MRPL1: variants seen among roughly 807,000 people sequenced by gnomAD.
MRPL1 encodes the protein large ribosomal subunit protein uL1m.
In MRPL1, 28 loss-of-function variants were observed where a neutral mutation model predicts 38.0. That is an observed-to-expected ratio of 0.74 (90% CI 0.55 to 1.01). MRPL1 has a LOEUF of 1.01. MRPL1 is among the 50% of genes least tolerant of loss of function. The probability of loss-of-function intolerance (pLI) is 0.00; values close to 1 mark genes in which losing one functional copy is unlikely to be tolerated. For missense variants in MRPL1, 358 were observed against 389.8 expected, an observed-to-expected ratio of 0.92 and a Z score of 0.69; for synonymous variants, 123 against 126.7, an observed-to-expected ratio of 0.97 and a Z score of 0.20.
chr4:77,913,549 T>C (rs1035419902), intron 7 of MRPL1, among the ~76,000 whole-genome samples: 3 of 152,212 alleles, frequency 2.0e-5, no homozygotes, highest in African/African-American at 7.2e-5. Context: ...TTTGTGGGTA[T>C]GTTAAATGAT....
chr4:77,908,711 TG>T (rs1306014244), intron 6 of MRPL1, among the ~76,000 whole-genome samples: 1 of 152,252 alleles, frequency 6.6e-6, no homozygotes, highest in East Asian at 1.9e-4. Context: ...TCACCATTTC[TG>T]TGTGTCAGGA....
chr4:77,868,682 A>T (rs1735210087), intron 1 of MRPL1, among the ~76,000 whole-genome samples: 1 of 152,264 alleles, frequency 6.6e-6, no homozygotes. Flanking sequence ...TCCTTGAAAG[A>T]TAACTGTATT....
intron 7 of MRPL1, among the ~76,000 whole-genome samples, chr4:77,914,727 G>GTGTGTT (rs138553129): frequency 1.4e-4 from 22 of 152,018 alleles, no homozygotes; most frequent in East Asian, 7.7e-4. Context: ...GTGTGTGTGT[G>GTGTGTT]TGTCTGTAGC....
intron 7 of MRPL1, among the ~76,000 whole-genome samples, chr4:77,927,802 A>G (rs898207238): frequency 1.3e-5 from 2 of 152,168 alleles, no homozygotes; most frequent in African/African-American, 2.4e-5. Flanking sequence ...CCATATTACA[A>G]TCATGTAAAT....
At chr4:77,942,472 G>A (rs886753064) in intron 7 of MRPL1, among the ~76,000 whole-genome samples, 1 of 151,996 alleles carries the variant, frequency 6.6e-6, no homozygotes, top group Non-Finnish European at 1.5e-5. Context: ...TTTGAAATCT[G>A]CCACTATTAT....
intron 6 of MRPL1, 64 bp downstream of exon 6, chr4:77,894,314 G>A: frequency 1.2e-5 from 12 of 1,041,996 alleles, no homozygotes; most frequent in Non-Finnish European, 1.7e-5. Flanking sequence ...TGCTTAGTTA[G>A]GAAACAAAGT....
At chr4:77,934,212 A>G (rs902669210) in intron 7 of MRPL1, among the ~76,000 whole-genome samples, 1 of 152,240 alleles carries the variant, frequency 6.6e-6, no homozygotes, top group Non-Finnish European at 1.5e-5. Flanking sequence ...ACTTCATCCA[A>G]ATTTAAAACT....
intron 1 of MRPL1, among the ~76,000 whole-genome samples, chr4:77,871,236 AGAT>A (rs1735271849): frequency 6.6e-6 from 1 of 151,828 alleles, no homozygotes; most frequent in South Asian, 2.1e-4. Flanking sequence ...GAAAAAAAAA[AGAT>A]AAGATAGTTC....
At chr4:77,940,711 G>T (rs1277430213) in intron 7 of MRPL1, among the ~76,000 whole-genome samples, 1 of 152,102 alleles carries the variant, frequency 6.6e-6, no homozygotes, top group Non-Finnish European at 1.5e-5. Context: ...ACATTAAGGT[G>T]TGTCCCATCT....
chr4:77,929,516 C>T (rs1736797248), intron 7 of MRPL1, among the ~76,000 whole-genome samples: 1 of 152,128 alleles, frequency 6.6e-6, no homozygotes, highest in African/African-American at 2.4e-5. Context: ...TAAGCATTTT[C>T]CAAACAGCTT....
intron 6 of MRPL1, among the ~76,000 whole-genome samples, chr4:77,897,135 C>T (rs557092732): frequency 1.8e-4 from 28 of 151,956 alleles, no homozygotes; most frequent in Non-Finnish European, 2.9e-4. Context: ...GGTGCAGTCT[C>T]GGCTCACTGC....
chr4:77,946,099 C>A (rs910170368), intron 7 of MRPL1, among the ~76,000 whole-genome samples: 1 of 152,102 alleles, frequency 6.6e-6, no homozygotes, highest in East Asian at 1.9e-4. Flanking sequence ...CAGTCCTTAT[C>A]TCAACCGCGT....
chr4:77,942,460 G>A (rs1273439065), intron 7 of MRPL1, among the ~76,000 whole-genome samples: 2 of 152,064 alleles, frequency 1.3e-5, no homozygotes, highest in African/African-American at 4.8e-5. Flanking sequence ...TGTCAGTGGA[G>A]TTTTGAAATC....
chr4:77,906,858 A>C, intron 6 of MRPL1: 1 of 465,010 alleles, frequency 2.2e-6, no homozygotes, highest in South Asian at 9.2e-5. Context: ...CATATTGTTT[A>C]GTATTCAGTT....
intron 7 of MRPL1, among the ~76,000 whole-genome samples, chr4:77,945,964 CATCTT>C (rs1337630186): frequency 2.6e-5 from 4 of 152,150 alleles, no homozygotes; most frequent in East Asian, 1.9e-4. Context: ...TCTTGATAAA[CATCTT>C]AAACAACATA....
chr4:77,865,531 G>A (rs577662958), intron 1 of MRPL1, among the ~76,000 whole-genome samples: 2 of 151,536 alleles, frequency 1.3e-5, no homozygotes, highest in South Asian at 4.2e-4. Flanking sequence ...ACTATGACCA[G>A]CTAATTTTTT....
chr4:77,941,267 GAA>G (rs76939382), intron 7 of MRPL1, among the ~76,000 whole-genome samples: 5 of 128,040 alleles, frequency 3.9e-5, no homozygotes, highest in Non-Finnish European at 3.4e-5. Context: ...CTCTGCCTCA[GAA>G]AAAAAAAAAA....
rs746541393 is a variant in MRPL1, at chr4:77,909,315, A to G, written c.720A>G (p.Gly240=). Residue 240 remains glycine, a synonymous_variant, in exon 7 of 9, where the codon GGA becomes GGG. Transcript: ENST00000315567. ...AAATGCTTGAATTATTTAAAAATGG[A>G]CATGAAATTAAGGTAGATGAAGAAA... is the stretch of plus-strand genomic sequence containing the variant. ...IPKMLELFKN[G]HEIKVDEERE... 122 of 1,612,010 alleles carry G rather than the reference A, an allele frequency of 7.6e-5. No homozygotes were observed. The highest frequency in any genetic ancestry group is 3.4e-6 in the Non-Finnish European group (4 of 1,179,256).
intron 2 of MRPL1, among the ~76,000 whole-genome samples, chr4:77,877,448 C>T (rs768612666): frequency 1.6e-5 from 2 of 127,958 alleles, no homozygotes; most frequent in Non-Finnish European, 3.2e-5. Context: ...TTTTTCTCAG[C>T]GTTCCTGTTC....
Sources: allele counts gnomAD v4.1 joint callset (sites outside exome capture counted in the v4.1 genomes callset), GRCh38; gene constraint gnomAD v4.1.1; transcripts MANE v1.5; gene names NCBI Gene and HGNC (gene_info 2026-07-23, HGNC 2026-07-21).